Variants in REV3L observed in about 807,000 individuals in gnomAD.
REV3L encodes DNA polymerase zeta catalytic subunit.
A neutral mutation model predicts 299.4 loss-of-function variants in REV3L; 69 were observed. The observed-to-expected ratio is 0.23, with a 90% CI of 0.19 to 0.28. REV3L has a LOEUF of 0.28. Among genes scored for constraint, REV3L ranks in the 10% least tolerant of loss-of-function variants. The pLI is 1.00. For missense variants in REV3L, 3,128 were observed against 3,693.8 expected (o/e 0.85, Z 3.97); for synonymous variants, 1,238 against 1,271.4 (o/e 0.97, Z 0.56).
chr6:111,442,899 AT>A (rs1163421076), intron 1 of REV3L, among the ~76,000 whole-genome samples: 1 of 151,150 alleles, frequency 6.6e-6, no homozygotes, highest in Admixed American at 6.6e-5. Context: ...CTCTGTGTGT[AT>A]GTGTGTGTGT....
chr6:111,397,460 G>C (rs575846409), intron 4 of REV3L, among the ~76,000 whole-genome samples: 1 of 152,176 alleles, frequency 6.6e-6, no homozygotes, highest in South Asian at 2.1e-4. Flanking sequence ...ATTCCATAGT[G>C]GTCAGAAAAG....
At chr6:111,458,258 C>A (rs1447546278) in intron 1 of REV3L, among the ~76,000 whole-genome samples, 1 of 151,846 alleles carries the variant, frequency 6.6e-6, no homozygotes, top group Non-Finnish European at 1.5e-5. Flanking sequence ...ATGATAAAAC[C>A]CCTCAATAAA....
intron 16 of REV3L, 118 bp from the exon 17 acceptor site, chr6:111,359,132 A>G (rs911110906): frequency 1.2e-5 from 9 of 744,600 alleles, no homozygotes; most frequent in Admixed American, 6.1e-5. Context: ...GACATAAAGG[A>G]CAAAGTCACA....
chr6:111,319,978 C>T (rs962492413), intron 26 of REV3L, among the ~76,000 whole-genome samples: 4 of 151,784 alleles, frequency 2.6e-5, no homozygotes, highest in African/African-American at 4.8e-5. Flanking sequence ...TATAGGCATG[C>T]ACCACCACAC....
At chr6:111,345,075 G>A in intron 20 of REV3L, among the ~76,000 whole-genome samples, 1 of 152,094 alleles carries the variant, frequency 6.6e-6, no homozygotes, top group East Asian at 1.9e-4. Flanking sequence ...AATAGAATGA[G>A]GAAAAGGCCA....
chr6:111,458,192 AT>A (rs1250261564), intron 1 of REV3L, among the ~76,000 whole-genome samples: 1 of 152,142 alleles, frequency 6.6e-6, no homozygotes, highest in African/African-American at 2.4e-5. Flanking sequence ...AAGAAACACG[AT>A]ATGACCATCT....
chr6:111,414,018 A>G (rs1389375257), intron 2 of REV3L, among the ~76,000 whole-genome samples: 1 of 152,154 alleles, frequency 6.6e-6, no homozygotes, highest in Non-Finnish European at 1.5e-5. Flanking sequence ...TCATTTATCC[A>G]ACCAAACAGT....
At chr6:111,369,077 G>A (rs1467168479) in intron 13 of REV3L, among the ~76,000 whole-genome samples, 1 of 152,056 alleles carries the variant, frequency 6.6e-6, no homozygotes, top group East Asian at 1.9e-4. Context: ...TAATGCTGTT[G>A]AAGGAAATGA....
intron 1 of REV3L, among the ~76,000 whole-genome samples, chr6:111,452,779 T>A (rs939529610): frequency 6.6e-6 from 1 of 152,186 alleles, no homozygotes; most frequent in Admixed American, 6.5e-5. Context: ...TCCATTTTAT[T>A]ATATGTAAAT....
chr6:111,315,523 A>T, intron 26 of REV3L, 142 bp from the exon 27 acceptor site: 1 of 613,286 alleles, frequency 1.6e-6, no homozygotes. Flanking sequence ...GATGCTTTCT[A>T]TGTAAGCTCT....
intron 1 of REV3L, among the ~76,000 whole-genome samples, chr6:111,472,879 T>C (rs576496167): frequency 1.3e-5 from 2 of 152,182 alleles, no homozygotes; most frequent in East Asian, 1.9e-4. Context: ...CTTTTACTTA[T>C]AATTTGTTTT....
chr6:111,313,525 A>G (rs756531682), intron 27 of REV3L, 36 bp from the exon 28 acceptor site: 4 of 1,562,520 alleles, frequency 2.6e-6, no homozygotes, highest in East Asian at 2.3e-5. Context: ...CTTAAAAACC[A>G]TTTCCCCCCA....
chr6:111,456,781 C>G (rs1375121162), intron 1 of REV3L, among the ~76,000 whole-genome samples: 1 of 152,128 alleles, frequency 6.6e-6, no homozygotes, highest in Non-Finnish European at 1.5e-5. Context: ...TCTGGTAAAT[C>G]TGACACACCT....
At chr6:111,337,522 G>A (rs549055007) in intron 21 of REV3L, among the ~76,000 whole-genome samples, 1 of 152,198 alleles carries the variant, frequency 6.6e-6, no homozygotes, top group South Asian at 2.1e-4. Context: ...TTATACAGAT[G>A]ATTAAATAAT....
At chr6:111,360,966 C>A (rs1307947331) in intron 16 of REV3L, among the ~76,000 whole-genome samples, 1 of 151,690 alleles carries the variant, frequency 6.6e-6, no homozygotes, top group East Asian at 1.9e-4. Context: ...CTTTTAAATG[C>A]ATACTCTTCA....
rs1166598961 is a variant in REV3L, at chr6:111,372,864, C to T, written c.5491G>A (p.Asp1831Asn). Reference sequence around the variant, plus strand: ...AGTTCTAAATCTTCACAGGCCACGTCTACAAGTTCACCATCAGGGGAGGAG... The same window carrying T: ...AGTTCTAAATCTTCACAGGCCACGTTTACAAGTTCACCATCAGGGGAGGAG... ...ILSSPDGELV[D>N]VACEDLELYV... The change falls in exon 13 of 32, where the codon GAC becomes AAC. Residue 1831 changes from aspartate (D) to asparagine (N), a missense_variant. Asp to Asn is a conservative substitution (Grantham distance 23). Transcript: ENST00000368802. 2 of 1,614,102 alleles carry T rather than the reference C, an allele frequency of 1.2e-6. No individual in the cohort carries two copies. The highest frequency in any genetic ancestry group is 1.7e-6 in the Non-Finnish European group (2 of 1,180,014).
chr6:111,388,034 A>G lies in REV3L; in HGVS notation c.914T>C (p.Leu305Pro). The part of the protein sequence containing the change: ...TESEKKFQKR[L>P]QEILKQNDFS... ...ATCATTCTGTTTGAGAATTTCCTGA[A>G]GTCTCTTCTGAAATTTTTTTTCACT... is the stretch of plus-strand genomic sequence containing the variant. The change falls in exon 8 of 32, where the codon CTT becomes CCT. Residue 305 changes from leucine (L) to proline (P), a missense_variant. Transcript: ENST00000368802. 1 of 1,613,048 alleles carries G rather than the reference A, an allele frequency of 6.2e-7. No homozygotes were observed. The highest frequency in any genetic ancestry group is 8.5e-7 in the Non-Finnish European group (1 of 1,179,544).
At chr6:111,333,913 G>A (rs1343846131) in intron 22 of REV3L, among the ~76,000 whole-genome samples, 7 of 152,106 alleles carry the variant, frequency 4.6e-5, no homozygotes, top group African/African-American at 1.7e-4. Flanking sequence ...AAAGACAGAT[G>A]CAATTAGATC....
At chr6:111,438,014 A>ACT in intron 1 of REV3L, among the ~76,000 whole-genome samples, 1 of 146,750 alleles carries the variant, frequency 6.8e-6, no homozygotes, top group Non-Finnish European at 1.5e-5. Context: ...CACCTGCCTA[A>ACT]TTTTTTTTTT....
Sources: gnomAD v4.1 joint callset for allele counts (sites outside exome capture counted in the v4.1 genomes callset) on GRCh38, gnomAD v4.1.1 for gene constraint, MANE v1.5 for transcripts, NCBI Gene and HGNC (gene_info 2026-07-23, HGNC 2026-07-21) for gene names.